Variants in RALGAPA1 observed in about 807,000 individuals in gnomAD.
The protein encoded by RALGAPA1 is Ral GTPase activating protein catalytic subunit alpha 1.
RALGAPA1 carries 52 observed loss-of-function variants against 269.6 expected under a neutral mutation model. The observed-to-expected ratio is 0.19, with a 90% CI of 0.15 to 0.24. The LOEUF is 0.24. RALGAPA1 is among the 10% of genes least tolerant of loss of function. The pLI is 1.00. For missense variants in RALGAPA1, 1,917 were observed against 3,013.9 expected, an observed-to-expected ratio of 0.64 and a Z score of 8.52; for synonymous variants, 817 against 1,008.3, an observed-to-expected ratio of 0.81 and a Z score of 3.60.
rs571655906 is a variant in RALGAPA1, at chr14:35,797,789, G to A, written c.106+10941C>T. On this transcript the variant is annotated intron_variant, in intron 1 of 41. Coordinates refer to ENST00000680220, the MANE Select transcript of RALGAPA1 (RefSeq NM_001346249.2). ...GAACCCGGGATACGGAGGTTGCAGT[G>A]AGCCGAGATCCTACCATTGCACTCT... 2.6e-3 allele frequency among the ~76,000 whole-genome samples: 394 copies of A among 149,240 alleles called. 1 individual carries two copies. Among genetic ancestry groups the A allele is most frequent in the African/African-American group, 9.2e-3 (374 of 40,552 alleles).
At chr14:35,642,206 C>T (rs777613648) in intron 31 of RALGAPA1, among the ~76,000 whole-genome samples, 2 of 151,990 alleles carry the variant, frequency 1.3e-5, no homozygotes, top group Middle Eastern at 3.2e-3. Context: ...GGAGTAATAC[C>T]CTACAAGCAC....
intron 35 of RALGAPA1, among the ~76,000 whole-genome samples, chr14:35,611,492 C>A (rs1479361597): frequency 6.7e-6 from 1 of 148,682 alleles, no homozygotes; most frequent in African/African-American, 2.5e-5. Context: ...CAGCGAGACT[C>A]CATCTCAAAA....
intron 39 of RALGAPA1, among the ~76,000 whole-genome samples, chr14:35,551,229 T>G (rs2054976041): frequency 6.6e-6 from 1 of 152,100 alleles, no homozygotes; most frequent in African/African-American, 2.4e-5. Flanking sequence ...GCACTCAACT[T>G]CTAAGCTCTT....
chr14:35,574,551 A>G (rs2057419588), intron 37 of RALGAPA1, among the ~76,000 whole-genome samples: 1 of 152,220 alleles, frequency 6.6e-6, no homozygotes, highest in Non-Finnish European at 1.5e-5. Context: ...AATGCTAAAT[A>G]AGTAATTATT....
chr14:35,542,565 C>T (rs2054107781), intron 41 of RALGAPA1: 1 of 152,168 alleles, frequency 6.6e-6, no homozygotes, highest in Non-Finnish European at 1.5e-5. Flanking sequence ...TCAACATTCC[C>T]AAACTCTATA....
intron 26 of RALGAPA1, among the ~76,000 whole-genome samples, chr14:35,669,438 G>C (rs888480492): frequency 6.6e-6 from 1 of 152,124 alleles, no homozygotes; most frequent in African/African-American, 2.4e-5. Flanking sequence ...ATTTTTAGTA[G>C]AGATGGGGTT....
At position 35,623,117 on chromosome 14, in the gene RALGAPA1, G is replaced by C. The variant is rs75474802; in HGVS notation, c.6929+2244C>G. ...AAAAAAAAAATCTAGAGAGAAATAAGGAAATGTACTAGAATATTTAACTGA... is the reference window on the plus strand; with the variant it reads ...AAAAAAAAAATCTAGAGAGAAATAACGAAATGTACTAGAATATTTAACTGA... On this transcript the variant is annotated intron_variant, in intron 35 of 41. Transcript: ENST00000680220. Among the ~76,000 whole-genome samples the C allele has an allele frequency of 5.0e-3, 738 of 148,656 alleles. 49 individuals carry two copies. The East Asian group carries it at 0.12, about 24-fold the overall frequency.
intron 1 of RALGAPA1, among the ~76,000 whole-genome samples, chr14:35,789,591 CA>C (rs201920021): frequency 0.023 from 3,336 of 147,918 alleles, 126 homozygotes; most frequent in South Asian, 0.14. Flanking sequence ...GACCCTGTCT[CA>C]AAAAAAAAAT....
At chr14:35,804,755 AC>A (rs1416570407) in intron 1 of RALGAPA1, among the ~76,000 whole-genome samples, 1 of 148,308 alleles carries the variant, frequency 6.7e-6, no homozygotes, top group African/African-American at 2.5e-5. Flanking sequence ...GCAACATGAG[AC>A]CCCATCTCTA....
At position 35,715,453 on chromosome 14, in the gene RALGAPA1, T is replaced by C. The variant is rs147366548; in HGVS notation, c.2266+6235A>G. ...AAACATTTCAAACATGGTTATTTTA[T>C]AGTCTGGTTATTTATTTATTTATTC... On this transcript the variant is annotated intron_variant, in intron 16 of 41. Transcript: ENST00000680220. 1.9e-3 allele frequency among the ~76,000 whole-genome samples: 296 copies of C among 152,328 alleles called. 1 individual carries two copies. The highest frequency in any genetic ancestry group is 6.8e-3 in the African/African-American group (282 of 41,570).
chr14:35,762,431 T>C (rs1229875912), intron 5 of RALGAPA1, among the ~76,000 whole-genome samples: 2 of 152,138 alleles, frequency 1.3e-5, no homozygotes, highest in Non-Finnish European at 2.9e-5. Context: ...AATTTTTGTA[T>C]TTTTAGTAGA....
At chr14:35,750,255 G>T (rs1343296351) in intron 9 of RALGAPA1, among the ~76,000 whole-genome samples, 1 of 152,036 alleles carries the variant, frequency 6.6e-6, no homozygotes, top group Non-Finnish European at 1.5e-5. Flanking sequence ...GAAATAAGAA[G>T]CTGAGACTGA....
intron 16 of RALGAPA1, among the ~76,000 whole-genome samples, chr14:35,717,307 C>T (rs992915683): frequency 3.1e-4 from 47 of 152,130 alleles, no homozygotes; most frequent in African/African-American, 1.1e-3. Context: ...CAGGCTACCA[C>T]GCTGGCTAAT....
intron 4 of RALGAPA1, chr14:35,766,744 C>T: frequency 1.9e-6 from 1 of 534,626 alleles, no homozygotes; most frequent in Non-Finnish European, 3.8e-6. Flanking sequence ...TGCCTCATTG[C>T]TAATGATTTT....
chr14:35,795,527 T>C (rs1322315307), intron 1 of RALGAPA1, among the ~76,000 whole-genome samples: 3 of 152,136 alleles, frequency 2.0e-5, no homozygotes, highest in Non-Finnish European at 4.4e-5. Context: ...ATCTCATAAT[T>C]TGTGGGGCCT....
chr14:35,769,077 A>AAAT (rs1470816272), intron 4 of RALGAPA1, among the ~76,000 whole-genome samples: 1 of 143,408 alleles, frequency 7.0e-6, no homozygotes, highest in Non-Finnish European at 1.5e-5. Flanking sequence ...CACACACATA[A>AAAT]AATATCAAAG....
intron 13 of RALGAPA1, among the ~76,000 whole-genome samples, chr14:35,728,076 A>G (rs2070129191): frequency 1.3e-5 from 2 of 152,230 alleles, no homozygotes; most frequent in Non-Finnish European, 2.9e-5. Context: ...TCATTTACTC[A>G]TATACATTTG....
At chr14:35,625,570 AC>A in intron 34 of RALGAPA1, 138 bp from the exon 35 acceptor site, 1 of 517,548 alleles carries the variant, frequency 1.9e-6, no homozygotes, top group East Asian at 3.1e-5. Context: ...AGGAGAACAG[AC>A]CCTAAAAAAA....
At chr14:35,549,296 A>C in intron 39 of RALGAPA1, 62 bp from the exon 40 acceptor site, 1 of 1,538,852 alleles carries the variant, frequency 6.5e-7, no homozygotes, top group Non-Finnish European at 8.9e-7. Context: ...AAATCTTATC[A>C]AAAAGGACTG....
Sources: allele counts gnomAD v4.1 joint callset (sites outside exome capture counted in the v4.1 genomes callset), GRCh38; gene constraint gnomAD v4.1.1; transcripts MANE v1.5; gene names NCBI Gene and HGNC (gene_info 2026-07-23, HGNC 2026-07-21).